DSCAM: variants seen among roughly 807,000 people sequenced by gnomAD.
The protein encoded by DSCAM is DS cell adhesion molecule.
A neutral mutation model predicts 217.7 loss-of-function variants in DSCAM; 47 were observed. The ratio of observed to expected loss-of-function variants is 0.22; its 90% CI spans 0.17 to 0.28. DSCAM has a LOEUF of 0.28. Among genes scored for constraint, DSCAM ranks in the 10% least tolerant of loss-of-function variants. DSCAM has a pLI of 1.00. For missense variants in DSCAM, 2,080 were observed against 2,618.3 expected (o/e 0.79, Z 4.49); for synonymous variants, 1,056 against 1,015.3 (o/e 1.04, Z -0.76).
At position 40,307,893 on chromosome 21, in the gene DSCAM, T is replaced by C. The variant is rs562086701; in HGVS notation, c.2062+4188A>G. On this transcript the variant is annotated intron_variant, in intron 9 of 32. Coordinates refer to ENST00000400454, the MANE Select transcript of DSCAM (RefSeq NM_001389.5). ...GTGGGAATTGAACAATGAGAACACA[T>C]GGACACAGGAAGGGGAACATCACAC... Among the ~76,000 whole-genome samples the C allele has an allele frequency of 6.0e-5, 8 of 133,372 alleles. No individual in the cohort carries two copies. The South Asian group carries it at 2.0e-3, about 33-fold the overall frequency. The allele number at this position is 133,372 out of a possible 152,430, so 87.5% of individuals were successfully genotyped here.
intron 3 of DSCAM, among the ~76,000 whole-genome samples, chr21:40,467,623 T>C (rs2075855626): frequency 6.6e-6 from 1 of 152,186 alleles, no homozygotes; most frequent in Non-Finnish European, 1.5e-5. Flanking sequence ...TGAAACTTAA[T>C]AATTTGATAT....
At chr21:40,791,686 A>T (rs570822888) in intron 1 of DSCAM, among the ~76,000 whole-genome samples, 1 of 152,214 alleles carries the variant, frequency 6.6e-6, no homozygotes, top group South Asian at 2.1e-4. Flanking sequence ...ATTTTAAAAG[A>T]TGTCATTATA....
chr21:40,762,678 G>A (rs757625194), intron 1 of DSCAM, among the ~76,000 whole-genome samples: 13 of 152,114 alleles, frequency 8.5e-5, no homozygotes, highest in Admixed American at 3.9e-4. Context: ...ATTTCAGGCC[G>A]ATATCCCTGA....
chr21:40,273,806 C>A (rs1309947308), intron 11 of DSCAM, among the ~76,000 whole-genome samples: 1 of 152,166 alleles, frequency 6.6e-6, no homozygotes, highest in Non-Finnish European at 1.5e-5. Context: ...TATATCCTCG[C>A]ATGGTGGAAA....
intron 3 of DSCAM, among the ~76,000 whole-genome samples, chr21:40,517,895 C>A (rs1398596649): frequency 6.6e-6 from 1 of 152,126 alleles, no homozygotes; most frequent in Non-Finnish European, 1.5e-5. Flanking sequence ...AGCCTGGGTC[C>A]AGCCCAGTGC....
At chr21:40,492,434 C>A (rs903403475) in intron 3 of DSCAM, among the ~76,000 whole-genome samples, 7 of 151,908 alleles carry the variant, frequency 4.6e-5, no homozygotes, top group African/African-American at 7.3e-5. Context: ...ACAAATAATT[C>A]AAAAAATTTT....
At chr21:40,270,335 T>C (rs1014221295) in intron 11 of DSCAM, among the ~76,000 whole-genome samples, 1 of 152,146 alleles carries the variant, frequency 6.6e-6, no homozygotes, top group Non-Finnish European at 1.5e-5. Context: ...ACTCCTTCCT[T>C]GGAAAAACTC....
At chr21:40,096,973 T>C (rs2089684919) in intron 20 of DSCAM, among the ~76,000 whole-genome samples, 1 of 152,124 alleles carries the variant, frequency 6.6e-6, no homozygotes, top group Non-Finnish European at 1.5e-5. Context: ...AAAGACTTTT[T>C]TCAGATACAT....
rs73904736 is a variant in DSCAM, at chr21:40,198,115, G to A, written c.2357-8877C>T. On this transcript the variant is annotated intron_variant, in intron 11 of 32. Transcript: ENST00000400454. ...GCAAGGCAAGACCCAAACATCTCCC[G>A]CAAGCCTATTGCATATTTGTAGAAT... Among the ~76,000 whole-genome samples, 695 of 152,120 alleles carry A rather than the reference G, an allele frequency of 4.6e-3. 5 individuals carry two copies. The highest frequency in any genetic ancestry group is 0.016 in the African/African-American group (666 of 41,464).
intron 11 of DSCAM, among the ~76,000 whole-genome samples, chr21:40,250,464 C>T (rs2073287833): frequency 6.6e-6 from 1 of 152,164 alleles, no homozygotes; most frequent in Non-Finnish European, 1.5e-5. Flanking sequence ...TTCTGTGGTT[C>T]TTTCATAATT....
intron 21 of DSCAM, among the ~76,000 whole-genome samples, chr21:40,088,724 T>G (rs2089565887): frequency 6.6e-6 from 1 of 152,236 alleles, no homozygotes; most frequent in Admixed American, 6.5e-5. Context: ...TTTGGCATTT[T>G]CTTTTTCACA....
intron 2 of DSCAM, among the ~76,000 whole-genome samples, chr21:40,705,859 G>A (rs1045213215): frequency 1.3e-5 from 2 of 152,106 alleles, no homozygotes; most frequent in African/African-American, 4.8e-5. Context: ...CCTCCATCTC[G>A]GCCACAAGCA....
At chr21:40,178,503 A>G (rs2090757828) in intron 15 of DSCAM, among the ~76,000 whole-genome samples, 2 of 152,180 alleles carry the variant, frequency 1.3e-5, no homozygotes, top group East Asian at 3.9e-4. Flanking sequence ...CATCTCCCGC[A>G]CAGTAAGCAT....
At chr21:40,336,553 A>C (rs1253186048) in intron 8 of DSCAM, among the ~76,000 whole-genome samples, 2 of 152,230 alleles carry the variant, frequency 1.3e-5, no homozygotes, top group African/African-American at 2.4e-5. Context: ...TCAACTTTTT[A>C]TGTTACAAAA....
At chr21:40,165,325 A>G (rs1171875053) in intron 16 of DSCAM, among the ~76,000 whole-genome samples, 3 of 152,222 alleles carry the variant, frequency 2.0e-5, no homozygotes, top group Non-Finnish European at 2.9e-5. Context: ...TTAAAAGCTC[A>G]TTATATAAAC....
Position 40,075,523 on chromosome 21 carries a change from C to T in DSCAM, c.4712-310G>A, listed in dbSNP as rs186866742. ...GCTGACAAAAGCCACATGCATCTAC[C>T]CAGAATTAAGTGTTCCCTTGACTGT... On this transcript the variant is annotated intron_variant, in intron 26 of 32. Transcript: ENST00000400454. Among the ~76,000 whole-genome samples, 601 of 152,266 alleles carry T rather than the reference C, an allele frequency of 3.9e-3. 5 individuals are homozygous for T. Among genetic ancestry groups the T allele is most frequent in the African/African-American group, 0.014 (574 of 41,536 alleles).
Position 40,042,734 on chromosome 21 carries a change from C to CT in DSCAM, c.5384-62_5384-61insA, listed in dbSNP as rs2088776548. 3.4e-6 allele frequency: 5 copies of CT among 1,486,698 alleles called. No individual in the cohort carries two copies. In the Admixed American group the frequency reaches 9.3e-5, roughly 28 times the overall value. The allele number at this position is 1,486,698 out of a possible 1,614,324, so 92.1% of individuals were successfully genotyped here. ...CACCATCAGAAGTCTGAACCAACGG[C>CT]ATGGCCCTTCCTGGCTTGGGGCTGT... On this transcript the variant is annotated intron_variant, in intron 31 of 32. Coordinates refer to ENST00000400454, the MANE Select transcript of DSCAM (RefSeq NM_001389.5).
intron 4 of DSCAM, among the ~76,000 whole-genome samples, chr21:40,362,735 T>A (rs991348392): frequency 1.3e-5 from 2 of 152,166 alleles, no homozygotes; most frequent in Non-Finnish European, 2.9e-5. Context: ...GTTATCAGAA[T>A]GAAGAGTTAG....
chr21:40,651,498 G>T (rs1477843420), intron 3 of DSCAM, among the ~76,000 whole-genome samples: 1 of 152,120 alleles, frequency 6.6e-6, no homozygotes, highest in East Asian at 1.9e-4. Context: ...CTGAATACCT[G>T]CTCATATCCC....
Sources: allele counts gnomAD v4.1 joint callset (sites outside exome capture counted in the v4.1 genomes callset), GRCh38; gene constraint gnomAD v4.1.1; transcripts MANE v1.5; gene names NCBI Gene and HGNC (gene_info 2026-07-23, HGNC 2026-07-21).